The following NCKAP5 variants were observed in gnomAD, a reference collection of about 807,000 sequenced individuals.
The protein encoded by NCKAP5 is nck-associated protein 5.
NCKAP5 carries 92 observed loss-of-function variants against 167.0 expected under a neutral mutation model. That is an observed-to-expected ratio of 0.55 (90% CI 0.47 to 0.66). The LOEUF is 0.66. Ranked by LOEUF, NCKAP5 falls within the 30% of genes least tolerant of loss-of-function variation. The pLI is 0.00. For missense variants in NCKAP5, 2,378 were observed against 2,315.0 expected (o/e 1.03, Z -0.56); for synonymous variants, 891 against 877.4 (o/e 1.02, Z -0.27).
At chr2:132,807,196 C>T (rs968791198) in intron 11 of NCKAP5, among the ~76,000 whole-genome samples, 1 of 152,016 alleles carries the variant, frequency 6.6e-6, no homozygotes, top group African/African-American at 2.4e-5. Context: ...TAGTGTGATG[C>T]CTCCAGATTT....
At chr2:133,003,410 T>A (rs1272362784) in intron 6 of NCKAP5, among the ~76,000 whole-genome samples, 1 of 152,188 alleles carries the variant, frequency 6.6e-6, no homozygotes, top group Non-Finnish European at 1.5e-5. Flanking sequence ...AAATTGTTCA[T>A]GTGGAAAATG....
chr2:132,884,683 T>A (rs902302019), intron 8 of NCKAP5, among the ~76,000 whole-genome samples: 3 of 152,104 alleles, frequency 2.0e-5, no homozygotes, highest in African/African-American at 7.2e-5. Context: ...TTTTGTGGAG[T>A]CTGCTGATTT....
intron 3 of NCKAP5, among the ~76,000 whole-genome samples, chr2:133,456,598 T>C (rs757330032): frequency 6.6e-6 from 1 of 152,178 alleles, no homozygotes; most frequent in Non-Finnish European, 1.5e-5. Context: ...CATGATATTT[T>C]AGATGTCTTA....
chr2:133,651,312 A>G, the NCKAP5 span, among the ~76,000 whole-genome samples: 21 of 152,324 alleles, frequency 1.4e-4, no homozygotes, highest in South Asian at 3.9e-3. Context: ...AAAACAAACT[A>G]AAACTAATAA....
chr2:132,925,398 C>CA (rs112681327), intron 8 of NCKAP5, among the ~76,000 whole-genome samples: 12,798 of 130,400 alleles, frequency 0.098, 591 homozygotes, highest in South Asian at 0.17. Flanking sequence ...ACTAAAAGTA[C>CA]AAAAAAAAAA....
chr2:133,349,065 C>G (rs1051611963), intron 3 of NCKAP5, among the ~76,000 whole-genome samples: 1 of 152,186 alleles, frequency 6.6e-6, no homozygotes, highest in African/African-American at 2.4e-5. Context: ...CTATCTTACA[C>G]TCCTTAACAA....
chr2:133,469,573 G>A (rs1575012752), intron 3 of NCKAP5, among the ~76,000 whole-genome samples: 1 of 151,960 alleles, frequency 6.6e-6, no homozygotes, highest in African/African-American at 2.4e-5. Context: ...GCTAGATTGG[G>A]GAAGTTCTCC....
chr2:133,076,299 G>C (rs980370609), intron 6 of NCKAP5, among the ~76,000 whole-genome samples: 2 of 152,118 alleles, frequency 1.3e-5, no homozygotes, highest in African/African-American at 4.8e-5. Flanking sequence ...GTATGTCCAA[G>C]GAACTCATGG....
chr2:133,635,093 C>T, the NCKAP5 span, among the ~76,000 whole-genome samples: 3 of 152,142 alleles, frequency 2.0e-5, no homozygotes, highest in African/African-American at 7.2e-5. Flanking sequence ...AGGCTGGTCT[C>T]GAAATCCTGA....
chr2:133,589,338 C>T, the NCKAP5 span, among the ~76,000 whole-genome samples: 1 of 152,008 alleles, frequency 6.6e-6, no homozygotes, highest in Non-Finnish European at 1.5e-5. Context: ...GAGGTTTTTA[C>T]CTGAGAAATT....
At chr2:133,358,756 T>C (rs1275023738) in intron 3 of NCKAP5, among the ~76,000 whole-genome samples, 4 of 152,240 alleles carry the variant, frequency 2.6e-5, no homozygotes, top group Non-Finnish European at 4.4e-5. Flanking sequence ...AGTAACACTA[T>C]AAATGGCTGT....
intron 10 of NCKAP5, among the ~76,000 whole-genome samples, chr2:132,862,135 T>C (rs1689960468): frequency 1.3e-5 from 2 of 152,248 alleles, no homozygotes. Flanking sequence ...GCCACAGTTC[T>C]GATGCCTAGG....
intron 5 of NCKAP5, among the ~76,000 whole-genome samples, chr2:133,212,628 A>G (rs1241730215): frequency 6.6e-6 from 1 of 152,168 alleles, no homozygotes; most frequent in Non-Finnish European, 1.5e-5. Context: ...TCGGCCTCCC[A>G]AAGTGTTGAG....
chr2:133,553,323 T>C (rs1278463694), intron 2 of NCKAP5, among the ~76,000 whole-genome samples: 1 of 152,218 alleles, frequency 6.6e-6, no homozygotes, highest in African/African-American at 2.4e-5. Context: ...CAAACCTAGC[T>C]GTCCAGAAGT....
intron 4 of NCKAP5, among the ~76,000 whole-genome samples, chr2:133,250,894 C>T (rs2088282654): frequency 6.6e-6 from 1 of 152,106 alleles, no homozygotes; most frequent in African/African-American, 2.4e-5. Flanking sequence ...CATGTCACAG[C>T]ACTCCAGCCT....
the NCKAP5 span, among the ~76,000 whole-genome samples, chr2:133,591,937 G>A: frequency 6.6e-6 from 1 of 152,142 alleles, no homozygotes; most frequent in Non-Finnish European, 1.5e-5. Context: ...TAGGACCTCA[G>A]TATCAGTTCT....
chr2:133,518,339 A>G (rs113469958), intron 2 of NCKAP5, among the ~76,000 whole-genome samples: 2 of 130,556 alleles, frequency 1.5e-5, no homozygotes, highest in African/African-American at 2.7e-5. Context: ...GGGTTACAGT[A>G]AAGGATTTTT....
chr2:133,564,103 C>T lies in NCKAP5; in HGVS notation c.-130+4113G>A, dbSNP rs180942642. Among the ~76,000 whole-genome samples, 191 of 151,970 alleles carry T rather than the reference C, an allele frequency of 1.3e-3. 2 individuals carry two copies. The highest frequency in any genetic ancestry group is 0.011 in the Admixed American group (164 of 15,278). On this transcript the variant is annotated intron_variant, in intron 1 of 19. Coordinates refer to ENST00000409261, the MANE Select transcript of NCKAP5 (RefSeq NM_207363.3). ...GAGTGGAGATCGTGCCATTGCACTC[C>T]AGCCTAGGCAACAAGAGTGAAACTC...
intron 1 of NCKAP5, among the ~76,000 whole-genome samples, chr2:133,567,697 G>A (rs1368888603): frequency 7.0e-6 from 1 of 143,662 alleles, no homozygotes; most frequent in Non-Finnish European, 1.5e-5. Context: ...GTGTGTGTGT[G>A]TGTTTGGGGA....
Sources: allele counts gnomAD v4.1 joint callset (sites outside exome capture counted in the v4.1 genomes callset), GRCh38; gene constraint gnomAD v4.1.1; transcripts MANE v1.5; gene names NCBI Gene and HGNC (gene_info 2026-07-23, HGNC 2026-07-21).